HS3ST3A1: variants seen among roughly 807,000 people sequenced by gnomAD.
The protein encoded by HS3ST3A1 is heparan sulfate-glucosamine 3-sulfotransferase 3A1.
A neutral mutation model predicts 25.7 loss-of-function variants in HS3ST3A1; 19 were observed. That is an observed-to-expected ratio of 0.74 (90% confidence interval 0.52 to 1.08). HS3ST3A1 has a LOEUF of 1.08. HS3ST3A1 is among the 50% of genes least tolerant of loss of function. The probability of loss-of-function intolerance (pLI) is 0.00; values close to 1 mark genes in which losing one functional copy is unlikely to be tolerated. For synonymous variants in HS3ST3A1, 226 were observed against 278.6 expected (o/e 0.81, Z 1.88); for missense variants, 459 against 594.3 (o/e 0.77, Z 2.37).
intron 1 of HS3ST3A1, among the ~76,000 whole-genome samples, chr17:13,550,569 T>C (rs1366401949): frequency 6.6e-6 from 1 of 152,144 alleles, no homozygotes; most frequent in Non-Finnish European, 1.5e-5. Flanking sequence ...CAAGAACGCC[T>C]GCATTGTCAG....
intron 1 of HS3ST3A1, among the ~76,000 whole-genome samples, chr17:13,548,958 G>C (rs1255237889): frequency 2.0e-5 from 3 of 152,204 alleles, no homozygotes; most frequent in African/African-American, 7.2e-5. Flanking sequence ...CATGGGCAGA[G>C]CCAAATAAGA....
At chr17:13,508,215 G>GA (rs960502564) in intron 1 of HS3ST3A1, among the ~76,000 whole-genome samples, 17 of 151,188 alleles carry the variant, frequency 1.1e-4, no homozygotes, top group Non-Finnish European at 1.9e-4. Context: ...AGAAGAAAGA[G>GA]AAAAAAAAAT....
Position 13,495,323 on chromosome 17 carries a change from C to A in HS3ST3A1, c.*874G>T, listed in dbSNP as rs1471261991. Among the ~76,000 whole-genome samples the A allele has an allele frequency of 6.6e-6, 1 of 152,100 alleles. No homozygotes were observed. Among genetic ancestry groups the A allele is most frequent in the Non-Finnish European group, 1.5e-5 (1 of 68,020 alleles). On this transcript the variant is annotated 3_prime_UTR_variant, in exon 2 of 2. Transcript: ENST00000284110. ...CCATATCTCAGTGTACTTTAAATAGCCAAGAGGCAAGACTGGCTCTTAAGA... is the reference window on the plus strand; with the variant it reads ...CCATATCTCAGTGTACTTTAAATAGACAAGAGGCAAGACTGGCTCTTAAGA...
intron 1 of HS3ST3A1, among the ~76,000 whole-genome samples, chr17:13,561,388 C>CT (rs569977802): frequency 0.023 from 3,194 of 139,862 alleles, 82 homozygotes; most frequent in African/African-American, 0.057. Flanking sequence ...CCAGATCATT[C>CT]TTTTTTTTTT....
intron 1 of HS3ST3A1, among the ~76,000 whole-genome samples, chr17:13,499,502 G>A (rs1383442018): frequency 6.6e-6 from 1 of 151,174 alleles, no homozygotes; most frequent in African/African-American, 2.4e-5. Context: ...ATATATCTTT[G>A]ACTTTTAACT....
intron 1 of HS3ST3A1, among the ~76,000 whole-genome samples, chr17:13,541,241 T>C (rs988121885): frequency 2.0e-5 from 3 of 152,144 alleles, no homozygotes; most frequent in Non-Finnish European, 4.4e-5. Flanking sequence ...AGCCATAAAG[T>C]TTCAAAGAAT....
At chr17:13,575,109 C>G (rs1384113273) in intron 1 of HS3ST3A1, among the ~76,000 whole-genome samples, 2 of 151,968 alleles carry the variant, frequency 1.3e-5, no homozygotes, top group African/African-American at 4.8e-5. Flanking sequence ...CCCCCATTTG[C>G]TTTAGCATAC....
intron 1 of HS3ST3A1, among the ~76,000 whole-genome samples, chr17:13,563,385 C>T (rs914796595): frequency 9.2e-5 from 14 of 152,080 alleles, no homozygotes; most frequent in Middle Eastern, 3.2e-3. Context: ...GGGTTGTTTG[C>T]TACCAATGTT....
intron 1 of HS3ST3A1, among the ~76,000 whole-genome samples, chr17:13,596,602 A>G (rs1908583939): frequency 6.6e-6 from 1 of 151,988 alleles, no homozygotes; most frequent in African/African-American, 2.4e-5. Flanking sequence ...ATAGACAAGT[A>G]CGCTAGACTC....
intron 1 of HS3ST3A1, among the ~76,000 whole-genome samples, chr17:13,581,121 A>T (rs1326951868): frequency 6.6e-6 from 1 of 152,206 alleles, no homozygotes; most frequent in Non-Finnish European, 1.5e-5. Flanking sequence ...TATTAATTCC[A>T]TTGGAACAAA....
chr17:13,513,554 G>T lies in HS3ST3A1; in HGVS notation c.600-16736C>A, dbSNP rs975646797. The stretch of plus-strand genomic sequence containing the variant: ...TACATCCATGCAGATCTCATTCTAT[G>T]CAGAGCTTTATGTTAATAACTTATT... On this transcript the variant is annotated intron_variant, in intron 1 of 1. Transcript: ENST00000284110. Among the ~76,000 whole-genome samples the T allele has an allele frequency of 2.0e-5, 3 of 152,308 alleles. No individual in the cohort carries two copies. The South Asian group carries it at 6.2e-4, about 32-fold the overall frequency.
intron 1 of HS3ST3A1, among the ~76,000 whole-genome samples, chr17:13,536,578 C>A (rs1272695429): frequency 6.6e-6 from 1 of 152,162 alleles, no homozygotes; most frequent in Non-Finnish European, 1.5e-5. Flanking sequence ...TCCAACCTCA[C>A]CATTAATGTT....
At chr17:13,585,188 T>C (rs1230039341) in intron 1 of HS3ST3A1, among the ~76,000 whole-genome samples, 3 of 44,294 alleles carry the variant, frequency 6.8e-5, no homozygotes, top group Non-Finnish European at 1.2e-4. Flanking sequence ...TTTCTGTGCT[T>C]TTTTTTTTTT....
rs959227139 is a variant in HS3ST3A1 at position 13,576,132 on chromosome 17, T to C, written c.599+24399A>G. Among the ~76,000 whole-genome samples, 10 of 152,346 alleles carry C rather than the reference T, an allele frequency of 6.6e-5. No homozygotes were observed. In the East Asian group the frequency reaches 1.9e-3, roughly 29 times the overall value. On this transcript the variant is annotated intron_variant, in intron 1 of 1. Transcript: ENST00000284110. ...TTAGCAAATGGTGGTGGTGGCTGCA[T>C]TAACAATTGCGGCACAGCAAGGGAC...
At chr17:13,541,509 A>C (rs1906932252) in intron 1 of HS3ST3A1, among the ~76,000 whole-genome samples, 1 of 152,270 alleles carries the variant, frequency 6.6e-6, no homozygotes, top group African/African-American at 2.4e-5. Context: ...CACCCTGTCC[A>C]CCTTCCCAAA....
chr17:13,526,612 A>C (rs1906438649), intron 1 of HS3ST3A1, among the ~76,000 whole-genome samples: 1 of 149,480 alleles, frequency 6.7e-6, no homozygotes, highest in African/African-American at 2.4e-5. Context: ...GTAAAGTTAA[A>C]GCCACTCACA....
intron 1 of HS3ST3A1, among the ~76,000 whole-genome samples, chr17:13,534,944 T>A (rs1209601828): frequency 6.6e-6 from 1 of 152,126 alleles, no homozygotes; most frequent in Non-Finnish European, 1.5e-5. Flanking sequence ...GAGAATCACT[T>A]GAACCTGGGA....
At chr17:13,548,778 A>G (rs986918837) in intron 1 of HS3ST3A1, among the ~76,000 whole-genome samples, 1 of 152,188 alleles carries the variant, frequency 6.6e-6, no homozygotes, top group African/African-American at 2.4e-5. Flanking sequence ...GTGTCTAGCT[A>G]AAGGTTTATA....
intron 1 of HS3ST3A1, among the ~76,000 whole-genome samples, chr17:13,597,303 G>T (rs1055827347): frequency 7.2e-5 from 11 of 151,830 alleles, no homozygotes; most frequent in African/African-American, 2.2e-4. Flanking sequence ...CTTTTAGTTG[G>T]TACAGACAGA....
Sources: gnomAD v4.1 joint callset for allele counts (sites outside exome capture counted in the v4.1 genomes callset) on GRCh38, gnomAD v4.1.1 for gene constraint, MANE v1.5 for transcripts, NCBI Gene and HGNC (gene_info 2026-07-23, HGNC 2026-07-21) for gene names.